Variants in TRABD observed in about 807,000 individuals in gnomAD.
TRABD encodes TraB domain containing.
Under a neutral mutation model 39.6 loss-of-function variants are expected in TRABD, and 23 were observed. That is an observed-to-expected ratio of 0.58 (90% confidence interval 0.42 to 0.82). The LOEUF is 0.82. Ranked by LOEUF, TRABD falls within the 40% of genes least tolerant of loss-of-function variation. The pLI is 0.00. For missense variants in TRABD, 487 were observed against 544.9 expected, an observed-to-expected ratio of 0.89 and a Z score of 1.06; for synonymous variants, 243 against 232.1, an observed-to-expected ratio of 1.05 and a Z score of -0.43.
Position 50,188,878 on chromosome 22 carries a change from C to T in TRABD, c.-35+2902C>T, listed in dbSNP as rs143385518. Among the ~76,000 whole-genome samples, 585 of 152,324 alleles carry T rather than the reference C, an allele frequency of 3.8e-3. 5 individuals are homozygous for T. Among genetic ancestry groups the T allele is most frequent in the Middle Eastern group, 0.014 (4 of 294 alleles). On this transcript the variant is annotated intron_variant, in intron 1 of 9. Coordinates refer to ENST00000380909, the MANE Select transcript of TRABD (RefSeq NM_001320485.2). ...GTAGATGCCGCTCTGATTTTGTGTC[C>T]TAGGGCCGCACACCTCAGGCAGAGC...
rs1602479876 is a variant in TRABD at position 50,199,277 on chromosome 22, C to T, written c.*758C>T. 3.3e-6 allele frequency: 2 copies of T among 600,692 alleles called. No homozygotes were observed. Among genetic ancestry groups the T allele is most frequent in the South Asian group, 1.9e-5 (1 of 52,754 alleles). 37.2% of individuals were successfully genotyped at this position (600,692 alleles called of 1,614,324 possible). A position where few individuals can be genotyped will look rare whatever the true frequency, so the allele number is the denominator to read the frequency against. On this transcript the variant is annotated 3_prime_UTR_variant, in exon 10 of 10. Transcript: ENST00000380909. ...GAGCCTGTGTCCTGAGCCCCCGGAG[C>T]GAAGGGGTGCCTGGGGCATCTTGGC... is the stretch of plus-strand genomic sequence containing the variant.
chr22:50,188,001 G>A (rs1050683648), intron 1 of TRABD, among the ~76,000 whole-genome samples: 5 of 150,650 alleles, frequency 3.3e-5, no homozygotes, highest in African/African-American at 1.2e-4. Flanking sequence ...TGAGGTCTTG[G>A]CCTGGCGCAG....
chr22:50,194,882 G>T lies in TRABD; in HGVS notation c.280-18G>T. On this transcript the variant is annotated intron_variant, in intron 4 of 9. Coordinates refer to ENST00000380909, the MANE Select transcript of TRABD (RefSeq NM_001320485.2). ...GGGAGCGGCTGTGTTCTCGAGGTGT[G>T]ACCTGTGGCTGTTGCAGACCATCCG... is the stretch of plus-strand genomic sequence containing the variant. 1 of 1,610,582 alleles carries T rather than the reference G, an allele frequency of 6.2e-7. No homozygotes were observed. The highest frequency in any genetic ancestry group is 1.1e-5 in the South Asian group (1 of 90,900).
At chr22:50,192,534 G>T in intron 1 of TRABD, 1 of 156,482 alleles carries the variant, frequency 6.4e-6, no homozygotes, top group Non-Finnish European at 1.4e-5. Flanking sequence ...TGTGCTTTGT[G>T]GATTCCTCCG....
At chr22:50,190,879 G>A (rs1457963863) in intron 1 of TRABD, among the ~76,000 whole-genome samples, 1 of 152,254 alleles carries the variant, frequency 6.6e-6, no homozygotes. Context: ...GCCTGGTCCT[G>A]CTGTGACCGG....
intron 2 of TRABD, 121 bp downstream of exon 2, chr22:50,193,214 G>A: frequency 2.4e-6 from 3 of 1,265,546 alleles, no homozygotes; most frequent in Admixed American, 5.6e-5. Flanking sequence ...GGGTTCTCCA[G>A]GGTCAGGCAG....
rs1377955442 is a variant in TRABD, at chr22:50,198,610, C to T, written c.*91C>T. On this transcript the variant is annotated 3_prime_UTR_variant, in exon 10 of 10. Coordinates refer to ENST00000380909, the MANE Select transcript of TRABD (RefSeq NM_001320485.2). This position sits in a 1 kb window ranked among gnomAD's most constrained non-coding sequence, Gnocchi z 7.9. ...GGTGCATCCTAGCCCGCCCGAGGCCCCTGCCACCCCCCATGGGGGTCTGGG... is the reference window on the plus strand; with the variant it reads ...GGTGCATCCTAGCCCGCCCGAGGCCTCTGCCACCCCCCATGGGGGTCTGGG... 1.5e-6 allele frequency: 2 copies of T among 1,328,064 alleles called. No homozygotes were observed. The highest frequency in any genetic ancestry group is 2.0e-6 in the Non-Finnish European group (2 of 1,011,046). 82.3% of individuals were successfully genotyped at this position (1,328,064 alleles called of 1,614,324 possible).
At chr22:50,186,203 G>A (rs891935920) in intron 1 of TRABD, among the ~76,000 whole-genome samples, 5 of 145,016 alleles carry the variant, frequency 3.4e-5, no homozygotes, top group African/African-American at 7.6e-5. Flanking sequence ...TTGGGGCCGG[G>A]GGAGCAGGTC....
At chr22:50,193,174 G>C in intron 2 of TRABD, 81 bp downstream of exon 2, 1 of 1,449,102 alleles carries the variant, frequency 6.9e-7, no homozygotes, top group South Asian at 1.3e-5. Flanking sequence ...GTCGGTCCCT[G>C]GCTGTTGTTC....
chr22:50,197,720 C>T, intron 7 of TRABD, 103 bp from the exon 8 acceptor site: 1 of 1,572,406 alleles, frequency 6.4e-7, no homozygotes, highest in Admixed American at 1.7e-5. Context: ...GCCACAAATC[C>T]CAAACAAACG....
Position 50,197,209 on chromosome 22 carries a change from C to G in TRABD, c.421-32C>G, listed in dbSNP as rs556987535. ...CCCCAGCGCACCCCCGCACCCGCCC[C>G]TCCAGCTGATGCCTGCTCCCTCTCT... On this transcript the variant is annotated intron_variant, in intron 5 of 9. Transcript: ENST00000380909. 6.9e-6 allele frequency: 11 copies of G among 1,604,606 alleles called. No individual in the cohort carries two copies. In the Admixed American group the frequency reaches 1.8e-4, roughly 27 times the overall value.
chr22:50,198,471 C>T lies in TRABD; in HGVS notation c.1083C>T (p.Pro361=), dbSNP rs146656338. ...RRTASLVLSL[P]AAQYCLQRVT... ...CCGCGAGCCTGGTCCTGTCGCTGCC[C>T]GCCGCGCAGTACTGCCTGCAGAGGG... Residue 361 remains proline (P), a synonymous_variant, in exon 10 of 10, where the codon CCC becomes CCT. Transcript: ENST00000380909. The surrounding 1 kb of genome is among the most constrained non-coding windows in gnomAD (Gnocchi z 7.9). 5.4e-3 allele frequency: 8,596 copies of T among 1,595,042 alleles called. 31 individuals are homozygous for T. The highest frequency in any genetic ancestry group is 6.8e-3 in the Non-Finnish European group (7,980 of 1,176,566).
chr22:50,188,736 G>C (rs902434202), intron 1 of TRABD, among the ~76,000 whole-genome samples: 1 of 152,226 alleles, frequency 6.6e-6, no homozygotes, highest in Non-Finnish European at 1.5e-5. Context: ...GTAGCAGTGG[G>C]ACCTGAGCAG....
chr22:50,188,340 T>G (rs2063810472), intron 1 of TRABD, among the ~76,000 whole-genome samples: 1 of 152,120 alleles, frequency 6.6e-6, no homozygotes, highest in Admixed American at 6.6e-5. Context: ...ACTCCAGACC[T>G]CAGACAATTC....
Position 50,198,507 on chromosome 22 carries a change from C to A in TRABD, c.1119C>A (p.Ala373=). ...AQYCLQRVTE[A]RHK ...ACTGCCTGCAGAGGGTGACCGAGGC[C>A]CGGCACAAGTAGGAGACTGCTCCCC... is the stretch of plus-strand genomic sequence containing the variant. The change falls in exon 10 of 10, where the codon GCC becomes GCA. Residue 373 remains alanine (A), a synonymous_variant. Coordinates refer to ENST00000380909, the MANE Select transcript of TRABD (RefSeq NM_001320485.2). The surrounding 1 kb of genome is among the most constrained non-coding windows in gnomAD (Gnocchi z 7.9). 1 of 1,566,314 alleles carries A rather than the reference C, an allele frequency of 6.4e-7. No homozygotes were observed. The highest frequency in any genetic ancestry group is 8.6e-7 in the Non-Finnish European group (1 of 1,163,454).
chr22:50,196,895 A>G (rs566917607), intron 5 of TRABD: 14 of 212,172 alleles, frequency 6.6e-5, no homozygotes, highest in East Asian at 3.4e-4. Flanking sequence ...GGGTTTCGCC[A>G]TGTTGGCCAG....
At position 50,197,968 on chromosome 22, in the gene TRABD, C is replaced by T. The variant is rs200288166; in HGVS notation, c.817C>T (p.Arg273Cys). The T allele has an allele frequency of 1.3e-5, 21 of 1,612,390 alleles. No individual in the cohort carries two copies. Among genetic ancestry groups the T allele is most frequent in the Non-Finnish European group, 1.4e-5 (16 of 1,179,810 alleles). The change falls in exon 8 of 10, where the codon CGC becomes TGC. Residue 273 changes from arginine (R) to cysteine (C), a missense_variant. Coordinates refer to ENST00000380909, the MANE Select transcript of TRABD (RefSeq NM_001320485.2). ...CTACATGCTGCGCCAGGCCGCGCGGCGCCTCGAGCTGCCTCGGGCCTCTGA... is the reference window on the plus strand; with the variant it reads ...CTACATGCTGCGCCAGGCCGCGCGGTGCCTCGAGCTGCCTCGGGCCTCTGA... ...LTYMLRQAARRLELPRASDAE... is the reference protein window; with the variant it reads ...LTYMLRQAARCLELPRASDAE...
chr22:50,195,670 C>A (rs2064077386), intron 5 of TRABD, among the ~76,000 whole-genome samples: 1 of 151,900 alleles, frequency 6.6e-6, no homozygotes, highest in Non-Finnish European at 1.5e-5. Flanking sequence ...CACCATGTTG[C>A]CCAGGTTCAT....
chr22:50,199,254 GC>G lies in TRABD; in HGVS notation c.*737del. 1 of 641,540 alleles carries G rather than the reference GC, an allele frequency of 1.6e-6. No homozygotes were observed. The highest frequency in any genetic ancestry group is 2.9e-6 in the Non-Finnish European group (1 of 348,074). 39.7% of individuals were successfully genotyped at this position (641,540 alleles called of 1,614,324 possible). ...GGTCCAGGCGTGGCCTCAGCTGGGA[GC>G]CTGTGTCCTGAGCCCCCGGAGCGAA... On this transcript the variant is annotated 3_prime_UTR_variant, in exon 10 of 10. Transcript: ENST00000380909.
Sources: gnomAD v4.1 joint callset for allele counts (sites outside exome capture counted in the v4.1 genomes callset) on GRCh38, gnomAD v4.1.1 for gene constraint, Gnocchi (gnomAD v3.1) non-coding constraint, MANE v1.5 for transcripts, NCBI Gene and HGNC (gene_info 2026-07-23, HGNC 2026-07-21) for gene names.